Variants in TMEM44 observed in about 807,000 individuals in gnomAD.
The protein encoded by TMEM44 is transmembrane protein 44.
TMEM44 carries 43 observed loss-of-function variants against 47.8 expected under a neutral mutation model. The observed-to-expected ratio is 0.90, with a 90% CI of 0.70 to 1.16. TMEM44 has a LOEUF of 1.16. TMEM44 is among the 50% of genes most tolerant of loss of function. The probability of loss-of-function intolerance (pLI) is 0.00; values close to 1 mark genes in which losing one functional copy is unlikely to be tolerated. For synonymous variants in TMEM44, 277 were observed against 238.8 expected, an observed-to-expected ratio of 1.16 and a Z score of -1.48; for missense variants, 568 against 555.2, an observed-to-expected ratio of 1.02 and a Z score of -0.23.
Position 194,629,018 on chromosome 3 carries a change from G to A in TMEM44, c.138-509C>T, listed in dbSNP as rs1717482216. 2.6e-5 allele frequency among the ~76,000 whole-genome samples: 4 copies of A among 152,198 alleles called. No homozygotes were observed. The South Asian group carries it at 6.2e-4, about 24-fold the overall frequency. On this transcript the variant is annotated intron_variant, in intron 1 of 9. Coordinates refer to ENST00000347147, the MANE Select transcript of TMEM44 (RefSeq NM_001011655.3). Reference sequence around the variant, plus strand: ...GCCCCTACTAAAAATACAAAAATTAGCCGGGTGTGGTGGCGTGCGCCTGTA... The same window carrying A: ...GCCCCTACTAAAAATACAAAAATTAACCGGGTGTGGTGGCGTGCGCCTGTA...
Position 194,615,552 on chromosome 3 carries a change from T to C in TMEM44, c.912+17A>G, listed in dbSNP as rs1715788310. 1 of 1,612,880 alleles carries C rather than the reference T, an allele frequency of 6.2e-7. No individual in the cohort carries two copies. The highest frequency in any genetic ancestry group is 1.3e-5 in the African/African-American group (1 of 74,858). ...CCAGAGTTTTCCAGCCAGAGAGACC[T>C]TGTCCTCGTTCCTCACCTCCTGGTT... On this transcript the variant is annotated intron_variant, in intron 7 of 9. Coordinates refer to ENST00000347147, the MANE Select transcript of TMEM44 (RefSeq NM_001011655.3).
At chr3:194,615,547 A>G in intron 7 of TMEM44, 22 bp downstream of exon 7, 1 of 1,611,440 alleles carries the variant, frequency 6.2e-7, no homozygotes, top group Non-Finnish European at 8.5e-7. Flanking sequence ...CCAGCCAGAG[A>G]GACCTTGTCC....
At chr3:194,616,019 T>C (rs1211448947) in intron 6 of TMEM44, among the ~76,000 whole-genome samples, 1 of 152,168 alleles carries the variant, frequency 6.6e-6, no homozygotes, top group Non-Finnish European at 1.5e-5. Flanking sequence ...GGTTGAATAG[T>C]GTCCCTCAAA....
chr3:194,619,414 G>T (rs6768976), intron 5 of TMEM44, among the ~76,000 whole-genome samples: 1 of 151,840 alleles, frequency 6.6e-6, no homozygotes, highest in African/African-American at 2.4e-5. Context: ...GATGGAGGTC[G>T]GCAGCACGCC....
chr3:194,597,023 C>A (rs1665403543), intron 9 of TMEM44: 1 of 151,950 alleles, frequency 6.6e-6, no homozygotes, highest in African/African-American at 2.4e-5. Context: ...CCTCTTCAGA[C>A]AGAGCAATCT....
chr3:194,609,983 CT>C (rs1715144309), intron 8 of TMEM44, among the ~76,000 whole-genome samples: 1 of 152,118 alleles, frequency 6.6e-6, no homozygotes, highest in East Asian at 1.9e-4. Context: ...AGTCCCAGCA[CT>C]TTGGGAGGCC....
chr3:194,621,003 C>A (rs13099200), intron 5 of TMEM44, among the ~76,000 whole-genome samples: 35,626 of 141,810 alleles, frequency 0.25, 4,728 homozygotes, highest in East Asian at 0.46. Flanking sequence ...CCAGTCTGGG[C>A]AACAGAGCGA....
chr3:194,590,639 T>A (rs966628342), intron 9 of TMEM44, among the ~76,000 whole-genome samples: 1 of 152,194 alleles, frequency 6.6e-6, no homozygotes, highest in Non-Finnish European at 1.5e-5. Flanking sequence ...TCTCACAGCG[T>A]GTGCTTGACC....
At chr3:194,597,355 G>A (rs1713541821) in intron 9 of TMEM44, 1 of 152,112 alleles carries the variant, frequency 6.6e-6, no homozygotes, top group Non-Finnish European at 1.5e-5. Context: ...GAAAGAAAAG[G>A]AAGCCTTTAA....
At chr3:194,600,700 G>A (rs1168505251) in intron 9 of TMEM44, among the ~76,000 whole-genome samples, 3 of 152,154 alleles carry the variant, frequency 2.0e-5, no homozygotes, top group Non-Finnish European at 4.4e-5. Context: ...GCAGTGAGCC[G>A]AGACTGCGCC....
chr3:194,602,894 T>G (rs78800074), intron 9 of TMEM44, among the ~76,000 whole-genome samples: 14,812 of 152,242 alleles, frequency 0.097, 807 homozygotes, highest in South Asian at 0.21. Context: ...AATTGATTAT[T>G]TTGCCAAATA....
intron 1 of TMEM44, among the ~76,000 whole-genome samples, chr3:194,629,479 T>C (rs1230757475): frequency 1.3e-5 from 2 of 152,250 alleles, no homozygotes; most frequent in African/African-American, 4.8e-5. Context: ...TCAGCGTCAC[T>C]GATAGGGCCT....
chr3:194,604,947 G>C (rs1714611735), intron 8 of TMEM44, among the ~76,000 whole-genome samples: 1 of 152,176 alleles, frequency 6.6e-6, no homozygotes, highest in African/African-American at 2.4e-5. Flanking sequence ...ATTCCCAGAG[G>C]CGGAATTGCT....
chr3:194,602,559 G>A (rs1014346623), intron 9 of TMEM44, among the ~76,000 whole-genome samples: 3 of 151,414 alleles, frequency 2.0e-5, no homozygotes, highest in Non-Finnish European at 2.9e-5. Context: ...CTGAGATCGC[G>A]TCACTGCACT....
rs1317840743 is a variant in TMEM44, at chr3:194,604,428, G to A, written c.1035C>T (p.Thr345=). Residue 345 remains threonine (T), a synonymous_variant, in exon 9 of 10, where the codon ACC becomes ACT. Transcript: ENST00000347147. The part of the protein sequence containing the change: ...EPVQQAGCSA[T]RLPGDGQTSA... ...TCGTCTGCCCGTCACCTGGCAGCCT[G>A]GTGGCACTGCAGCCTGCCTGCAAGG... The A allele has an allele frequency of 6.6e-7, 1 of 1,522,586 alleles. No individual in the cohort carries two copies. Among genetic ancestry groups the A allele is most frequent in the Non-Finnish European group, 8.9e-7 (1 of 1,127,914 alleles). The allele number at this position is 1,522,586 out of a possible 1,614,324, so 94.3% of individuals were successfully genotyped here.
At chr3:194,630,495 T>C (rs1717684393) in intron 1 of TMEM44, among the ~76,000 whole-genome samples, 2 of 15,744 alleles carry the variant, frequency 1.3e-4, no homozygotes, top group Non-Finnish European at 2.3e-4. Context: ...CCTGAAATAG[T>C]ATGCTGTCGT....
At chr3:194,618,496 T>C (rs981902234) in intron 5 of TMEM44, among the ~76,000 whole-genome samples, 1 of 148,474 alleles carries the variant, frequency 6.7e-6, no homozygotes, top group South Asian at 2.1e-4. Flanking sequence ...ATTAGATGAG[T>C]TCATATATAT....
At chr3:194,589,919 A>C (rs748553818) in intron 9 of TMEM44, 1 of 152,066 alleles carries the variant, frequency 6.6e-6, no homozygotes, top group Admixed American at 6.6e-5. Context: ...CCCATTTCCA[A>C]GCGTCTATGA....
chr3:194,617,312 T>A (rs972707098), intron 5 of TMEM44, 43 bp from the exon 6 acceptor site: 1 of 1,478,656 alleles, frequency 6.8e-7, no homozygotes. Flanking sequence ...AAGCAGCAGA[T>A]CACAAGACCC....
Sources: gnomAD v4.1 joint callset for allele counts (sites outside exome capture counted in the v4.1 genomes callset) on GRCh38, gnomAD v4.1.1 for gene constraint, MANE v1.5 for transcripts, NCBI Gene and HGNC (gene_info 2026-07-23, HGNC 2026-07-21) for gene names.